PSMC2: variants seen among roughly 807,000 people sequenced by gnomAD.
PSMC2 encodes the protein 26S proteasome regulatory subunit 7.
PSMC2 carries 7 observed loss-of-function variants against 53.3 expected under a neutral mutation model. The ratio of observed to expected loss-of-function variants is 0.13; its 90% CI spans 0.07 to 0.25. The LOEUF is 0.25. Ranked by LOEUF, PSMC2 falls within the 10% of genes least tolerant of loss-of-function variation. The probability of loss-of-function intolerance (pLI) is 1.00; values close to 1 mark genes in which losing one functional copy is unlikely to be tolerated. For synonymous variants in PSMC2, 169 were observed against 183.9 expected, an observed-to-expected ratio of 0.92 and a Z score of 0.66; for missense variants, 241 against 544.0, an observed-to-expected ratio of 0.44 and a Z score of 5.54.
intron 8 of PSMC2, among the ~76,000 whole-genome samples, chr7:103,364,671 G>T (rs772182236): frequency 2.6e-5 from 4 of 152,126 alleles, no homozygotes; most frequent in Non-Finnish European, 5.9e-5. Flanking sequence ...GCCTCCCAGA[G>T]TGCTGGTAGT....
intron 4 of PSMC2, among the ~76,000 whole-genome samples, chr7:103,359,601 C>A (rs1408444342): frequency 6.6e-6 from 1 of 152,168 alleles, no homozygotes; most frequent in Non-Finnish European, 1.5e-5. Flanking sequence ...TGGCTTCCTT[C>A]ACTTAGCATA....
chr7:103,357,319 T>A (rs1820091959), intron 4 of PSMC2, among the ~76,000 whole-genome samples: 1 of 145,876 alleles, frequency 6.9e-6, no homozygotes, highest in Non-Finnish European at 1.5e-5. Context: ...AGAGTGATAC[T>A]CTGTCTCAAA....
upstream of PSMC2, chr7:103,347,603 T>G (rs958336958): frequency 7.7e-7 from 1 of 1,298,406 alleles, no homozygotes; most frequent in Admixed American, 1.7e-5. Context: ...TAAAGGGGTC[T>G]GTCTGAGCCC....
chr7:103,349,217 T>C (rs375804008), intron 1 of PSMC2, among the ~76,000 whole-genome samples: 2 of 152,220 alleles, frequency 1.3e-5, no homozygotes, highest in African/African-American at 4.8e-5. Flanking sequence ...GCATTTCCTT[T>C]CTACCTTCAT....
At chr7:103,364,019 TTTAAATA>T (rs1375596077) in intron 7 of PSMC2, 117 bp from the exon 8 acceptor site, 4 of 910,330 alleles carry the variant, frequency 4.4e-6, no homozygotes, top group South Asian at 3.9e-5. Flanking sequence ...ATAATTTTGA[TTTAAATA>T]TTAAAGTATG....
At chr7:103,363,923 T>C (rs186622343) in intron 7 of PSMC2, among the ~76,000 whole-genome samples, 2 of 152,370 alleles carry the variant, frequency 1.3e-5, no homozygotes, top group East Asian at 1.9e-4. Context: ...TTTAGTCTTA[T>C]GTATTGATAG....
At chr7:103,347,913 G>T in intron 1 of PSMC2, 132 bp downstream of exon 1, 1 of 936,286 alleles carries the variant, frequency 1.1e-6, no homozygotes, top group Middle Eastern at 3.2e-4. Context: ...AATTTAGTCT[G>T]GACACCGGCC....
chr7:103,359,391 G>C (rs984272186), intron 4 of PSMC2, among the ~76,000 whole-genome samples: 3 of 151,892 alleles, frequency 2.0e-5, no homozygotes, highest in African/African-American at 7.3e-5. Flanking sequence ...GTGATTTTTA[G>C]AATATCTAGA....
chr7:103,360,422 A>G (rs1038344423), intron 4 of PSMC2, among the ~76,000 whole-genome samples: 38 of 152,052 alleles, frequency 2.5e-4, no homozygotes, highest in African/African-American at 8.9e-4. Context: ...TTGGTAACAG[A>G]AAACAGAGTC....
chr7:103,347,865 C>A, intron 1 of PSMC2, 84 bp downstream of exon 1: 1 of 1,478,690 alleles, frequency 6.8e-7, no homozygotes, highest in Non-Finnish European at 9.4e-7. Context: ...TGGATTCCCG[C>A]TCCTGGCTCT....
intron 8 of PSMC2, among the ~76,000 whole-genome samples, chr7:103,364,863 AAATT>A (rs1472574421): frequency 6.6e-6 from 1 of 151,544 alleles, no homozygotes; most frequent in Admixed American, 6.6e-5. Context: ...AATGCCTGGT[AAATT>A]AATTAAAAAG....
At chr7:103,350,258 G>A (rs1819698176) in intron 1 of PSMC2, among the ~76,000 whole-genome samples, 1 of 152,134 alleles carries the variant, frequency 6.6e-6, no homozygotes, top group Admixed American at 6.5e-5. Flanking sequence ...TGGCAGAAAG[G>A]ACAGGCTTAG....
At chr7:103,365,927 C>CAA (rs1158503720) in intron 8 of PSMC2, 149 bp from the exon 9 acceptor site, 2 of 647,320 alleles carry the variant, frequency 3.1e-6, no homozygotes, top group African/African-American at 1.9e-5. Context: ...GACTCCATCT[C>CAA]AAAAAAATAA....
upstream of PSMC2, chr7:103,347,596 A>T (rs1819630013): frequency 1.5e-5 from 18 of 1,196,910 alleles, no homozygotes; most frequent in Non-Finnish European, 2.0e-5. Context: ...CACTGCATAA[A>T]GGGGTCTGTC....
chr7:103,368,886 A>G lies in PSMC2; in HGVS notation c.*832A>G, dbSNP rs1355461612. The stretch of plus-strand genomic sequence containing the variant: ...AGTTTCTGTTAGGCTTCTGGTCTAC[A>G]GTGAGGTATTTTAAAAATAAAGGTT... On this transcript the variant is annotated 3_prime_UTR_variant, in exon 12 of 12. Transcript: ENST00000292644. 6.6e-6 allele frequency: 1 copy of G among 151,050 alleles called. No homozygotes were observed. The highest frequency in any genetic ancestry group is 1.5e-5 in the Non-Finnish European group (1 of 67,882). 9.4% of individuals were successfully genotyped at this position (151,050 alleles called of 1,614,324 possible). A position where few individuals can be genotyped will look rare whatever the true frequency, so the allele number is the denominator to read the frequency against.
chr7:103,364,981 A>ATATATATATATATATATATATATATATT (rs950613120), intron 8 of PSMC2, among the ~76,000 whole-genome samples: 125 of 140,668 alleles, frequency 8.9e-4, no homozygotes, highest in Non-Finnish European at 1.5e-3. Flanking sequence ...ATATATATAT[A>ATATATATATATATATATATATATATATT]TATTTAGAGA....
rs913931764 is a variant in PSMC2 at position 103,367,609 on chromosome 7, T to A, written c.1041T>A (p.Asp347Glu). 6.2e-7 allele frequency: 1 copy of A among 1,613,960 alleles called. No individual in the cohort carries two copies. Among genetic ancestry groups the A allele is most frequent in the Admixed American group, 1.7e-5 (1 of 59,988 alleles). Reference protein sequence around the residue: ...LDRKIEFSLPDLEGRTHIFKI... With the variant: ...LDRKIEFSLPELEGRTHIFKI... Reference sequence around the variant, plus strand: ...GAAAAATTGAATTTAGCTTGCCCGATCTAGAGGTAAGAAAACCATTTCATT... The same window carrying A: ...GAAAAATTGAATTTAGCTTGCCCGAACTAGAGGTAAGAAAACCATTTCATT... The change falls in exon 10 of 12, where the codon GAT becomes GAA. Residue 347 changes from aspartate to glutamate, a missense_variant. Coordinates refer to ENST00000292644, the MANE Select transcript of PSMC2 (RefSeq NM_002803.4). This position sits in a 1 kb window ranked among gnomAD's most constrained non-coding sequence, Gnocchi z 6.1.
chr7:103,363,093 A>G (rs1397317253), intron 6 of PSMC2, among the ~76,000 whole-genome samples: 1 of 152,082 alleles, frequency 6.6e-6, no homozygotes, highest in African/African-American at 2.4e-5. Context: ...TGAGCCCGGC[A>G]GTATTTTATA....
intron 8 of PSMC2, among the ~76,000 whole-genome samples, chr7:103,364,981 A>ATATATATATATATATATATATATTTATT (rs950613120): frequency 1.2e-3 from 171 of 140,676 alleles, no homozygotes; most frequent in African/African-American, 4.3e-3. Context: ...ATATATATAT[A>ATATATATATATATATATATATATTTATT]TATTTAGAGA....
Sources: gnomAD v4.1 joint callset for allele counts (sites outside exome capture counted in the v4.1 genomes callset) on GRCh38, gnomAD v4.1.1 for gene constraint, Gnocchi (gnomAD v3.1) non-coding constraint, MANE v1.5 for transcripts, NCBI Gene and HGNC (gene_info 2026-07-23, HGNC 2026-07-21) for gene names.